The following WDR3 variants were observed in gnomAD, a reference collection of about 807,000 sequenced individuals.
WDR3 encodes WD repeat-containing protein 3.
In WDR3, 81 loss-of-function variants were observed where a neutral mutation model predicts 123.7. The ratio of observed to expected loss-of-function variants is 0.65; its 90% confidence interval spans 0.55 to 0.79. The LOEUF is 0.79. WDR3 is among the 30% of genes least tolerant of loss of function. The pLI is 0.00. For synonymous variants in WDR3, 390 were observed against 388.8 expected (o/e 1.00, Z -0.04); for missense variants, 1,027 against 1,123.2 (o/e 0.91, Z 1.22).
intron 11 of WDR3, 60 bp from the exon 12 acceptor site, chr1:117,946,021 ACTGAC>A: frequency 7.7e-7 from 1 of 1,296,238 alleles, no homozygotes; most frequent in Non-Finnish European, 1.1e-6. Flanking sequence ...AAACCTACAC[ACTGAC>A]CTCTAAAATG....
intron 12 of WDR3, among the ~76,000 whole-genome samples, chr1:117,947,896 T>A (rs1166486222): frequency 3.3e-5 from 5 of 152,188 alleles, no homozygotes; most frequent in Non-Finnish European, 5.9e-5. Flanking sequence ...GATTTTTTTT[T>A]AAATTCACTG....
chr1:117,940,765 A>G, intron 6 of WDR3, 62 bp from the exon 7 acceptor site: 2 of 1,424,586 alleles, frequency 1.4e-6, no homozygotes, highest in Non-Finnish European at 1.9e-6. Context: ...AACAACAACA[A>G]CAACAACATG....
chr1:117,948,388 A>G lies in WDR3; in HGVS notation c.1423-17A>G. ...ACGTATGTTCATTGGAGCTGTGCTC[A>G]TTTTGTGTCTTCCCAGACAGGGAAG... On this transcript the variant is annotated splice_polypyrimidine_tract_variant and intron_variant, in intron 12 of 26. Transcript: ENST00000349139. 6.2e-7 allele frequency: 1 copy of G among 1,611,572 alleles called. No homozygotes were observed. The highest frequency in any genetic ancestry group is 1.3e-5 in the African/African-American group (1 of 75,004).
rs778658674 is a variant in WDR3, at chr1:117,941,700, A to T, written c.892-50A>T. Reference sequence around the variant, plus strand: ...GTTTACTTTTAATTGAGAATTAGGTAAATTACAAATTACCTCTCCTTGACT... The same window carrying T: ...GTTTACTTTTAATTGAGAATTAGGTTAATTACAAATTACCTCTCCTTGACT... On this transcript the variant is annotated intron_variant, in intron 8 of 26. Coordinates refer to ENST00000349139, the MANE Select transcript of WDR3 (RefSeq NM_006784.3). The T allele has an allele frequency of 3.2e-6, 5 of 1,575,408 alleles. No homozygotes were observed. In the South Asian group the frequency reaches 6.0e-5, roughly 19 times the overall value.
intron 6 of WDR3, among the ~76,000 whole-genome samples, 179 bp from the exon 7 acceptor site, chr1:117,940,648 A>G (rs541953581): frequency 7.0e-4 from 107 of 152,168 alleles, no homozygotes; most frequent in Non-Finnish European, 1.1e-3. Context: ...GGATGGCTTG[A>G]GCCCAGGAGA....
At position 117,938,577 on chromosome 1, in the gene WDR3, G is replaced by T; in HGVS notation, c.579+19G>T. Reference sequence around the variant, plus strand: ...GACTGAGGTAAGTGTAGGGTCATGGGCCCAGGGAAATAATGGGAAGGCAAA... The same window carrying T: ...GACTGAGGTAAGTGTAGGGTCATGGTCCCAGGGAAATAATGGGAAGGCAAA... On this transcript the variant is annotated intron_variant, in intron 5 of 26. Transcript: ENST00000349139. The T allele has an allele frequency of 6.2e-7, 1 of 1,604,932 alleles. No individual in the cohort carries two copies. The highest frequency in any genetic ancestry group is 8.5e-7 in the Non-Finnish European group (1 of 1,176,352).
intron 24 of WDR3, among the ~76,000 whole-genome samples, chr1:117,956,760 A>G (rs1384001632): frequency 1.3e-5 from 2 of 152,218 alleles, no homozygotes; most frequent in Non-Finnish European, 2.9e-5. Context: ...GACTCAATAT[A>G]TGGTAAAAGA....
rs1173255925 is a variant in WDR3 at position 117,965,209 on chromosome 1, G to T, written c.*5762G>T. On this transcript the variant is annotated 3_prime_UTR_variant, in exon 27 of 27. Transcript: ENST00000349139. ...AACACTTTAAATCTGAATTTTCTTT[G>T]ACATCTCAATAGCATCCGTCAATTG... 6.6e-6 allele frequency: 1 copy of T among 152,014 alleles called. No individual in the cohort carries two copies. The highest frequency in any genetic ancestry group is 1.5e-5 in the Non-Finnish European group (1 of 68,006). The allele number at this position is 152,014 out of a possible 1,614,324, so 9.4% of individuals were successfully genotyped here.
At chr1:117,932,389 G>A (rs945484799) in intron 1 of WDR3, among the ~76,000 whole-genome samples, 10 of 152,166 alleles carry the variant, frequency 6.6e-5, no homozygotes, top group Non-Finnish European at 2.9e-5. Flanking sequence ...AAAATTCTAG[G>A]CCCTACCTCA....
rs1401202466 is a variant in WDR3, at chr1:117,960,114, G to A, written c.*667G>A. The A allele has an allele frequency of 1.5e-5, 1 of 66,918 alleles. No individual in the cohort carries two copies. The highest frequency in any genetic ancestry group is 4.6e-5 in the Non-Finnish European group (1 of 21,952). The allele number at this position is 66,918 out of a possible 1,614,324, so 4.1% of individuals were successfully genotyped here. ...TTCTGAGGAATTAATACACTCGTGT[G>A]TGTGTGTGTGTGTGTGTGTGTGTGT... On this transcript the variant is annotated 3_prime_UTR_variant, in exon 27 of 27. Coordinates refer to ENST00000349139, the MANE Select transcript of WDR3 (RefSeq NM_006784.3).
At chr1:117,943,760 C>A in intron 11 of WDR3, 134 bp downstream of exon 11, 2 of 780,210 alleles carry the variant, frequency 2.6e-6, no homozygotes, top group South Asian at 2.1e-5. Context: ...GGCCATTAGC[C>A]TGTGGAGCTT....
chr1:117,941,696 A>T, intron 8 of WDR3, 54 bp from the exon 9 acceptor site: 1 of 1,568,892 alleles, frequency 6.4e-7, no homozygotes, highest in Non-Finnish European at 8.6e-7. Flanking sequence ...ATTGAGAATT[A>T]GGTAAATTAC....
chr1:117,940,841 A>G lies in WDR3; in HGVS notation c.690A>G (p.Glu230=), dbSNP rs148719321. 1.9e-6 allele frequency: 3 copies of G among 1,612,088 alleles called. No homozygotes were observed. Among genetic ancestry groups the G allele is most frequent in the African/African-American group, 2.7e-5 (2 of 74,846 alleles). The part of the protein sequence containing the change: ...IAYLQEIEDP[E]EPDPKKIKGS... ...TTATAAAACAGATTGAAGACCCGGA[A>G]GAACCAGACCCCAAGAAAATCAAAG... The change falls in exon 7 of 27, where the codon GAA becomes GAG. Residue 230 remains glutamate (E), a synonymous_variant. Coordinates refer to ENST00000349139, the MANE Select transcript of WDR3 (RefSeq NM_006784.3).
intron 10 of WDR3, among the ~76,000 whole-genome samples, chr1:117,943,140 A>T (rs890884257): frequency 1.7e-4 from 26 of 151,908 alleles, no homozygotes; most frequent in Admixed American, 8.5e-4. Context: ...TTTAATGGAG[A>T]TGGTGTTTCG....
Position 117,959,310 on chromosome 1 carries a change from A to G in WDR3, c.2695A>G (p.Met899Val), listed in dbSNP as rs1418216182. The G allele has an allele frequency of 8.1e-6, 13 of 1,612,540 alleles. No homozygotes were observed. Among genetic ancestry groups the G allele is most frequent in the South Asian group, 1.1e-5 (1 of 90,474 alleles). ...ACTCCAGGATGTTATCGGCTTCAATATGGCTGGTCTTGATTATCTCAAGAG... is the reference window on the plus strand; with the variant it reads ...ACTCCAGGATGTTATCGGCTTCAATGTGGCTGGTCTTGATTATCTCAAGAG... ...SQVRDVIGFN[M>V]AGLDYLKREC... The change falls in exon 27 of 27, where the codon ATG (methionine) becomes GTG (valine). Residue 899 changes from methionine (M) to valine (V), a missense_variant. Coordinates refer to ENST00000349139, the MANE Select transcript of WDR3 (RefSeq NM_006784.3).
intron 20 of WDR3, 97 bp from the exon 21 acceptor site, chr1:117,953,379 T>C: frequency 8.4e-7 from 1 of 1,197,520 alleles, no homozygotes; most frequent in Non-Finnish European, 1.2e-6. Context: ...TTTCATAAAA[T>C]AATAATAGCT....
At chr1:117,931,722 TAC>T (rs1460753601) in intron 1 of WDR3, among the ~76,000 whole-genome samples, 1 of 152,140 alleles carries the variant, frequency 6.6e-6, no homozygotes, top group Non-Finnish European at 1.5e-5. Context: ...AAGGAACAAC[TAC>T]AGAGTCTGGA....
chr1:117,953,242 T>C (rs1651715533), intron 20 of WDR3, among the ~76,000 whole-genome samples: 1 of 152,190 alleles, frequency 6.6e-6, no homozygotes. Flanking sequence ...GGAATTATTT[T>C]ATTCACTGTA....
chr1:117,960,140 G>GTGTGTGTGTA lies in WDR3; in HGVS notation c.*700_*701insGTATGTGTGT, dbSNP rs1166919391. The GTGTGTGTGTA allele has an allele frequency of 2.0e-5, 3 of 149,944 alleles. No homozygotes were observed. The East Asian group carries it at 5.9e-4, about 29-fold the overall frequency. 9.3% of individuals were successfully genotyped at this position (149,944 alleles called of 1,614,324 possible). On this transcript the variant is annotated 3_prime_UTR_variant, in exon 27 of 27. Transcript: ENST00000349139. ...TGTGTGTGTGTGTGTGTGTGTGTGT[G>GTGTGTGTGTA]TGTGTGTATGTGTATGTGTATGTAC...
Sources: gnomAD v4.1 joint callset for allele counts (sites outside exome capture counted in the v4.1 genomes callset) on GRCh38, gnomAD v4.1.1 for gene constraint, MANE v1.5 for transcripts, NCBI Gene and HGNC (gene_info 2026-07-23, HGNC 2026-07-21) for gene names.